C17orf67: variants seen among roughly 807,000 people sequenced by gnomAD.
C17orf67 encodes chromosome 17 open reading frame 67, also known as uncharacterized protein C17orf67.
Under a neutral mutation model 11.2 loss-of-function variants are expected in C17orf67, and 12 were observed. That is an observed-to-expected ratio of 1.07 (90% CI 0.68 to 1.73). The LOEUF is 1.73. Among genes scored for constraint, C17orf67 ranks in the 40% most tolerant of loss-of-function variants. The pLI, the probability that C17orf67 is intolerant of heterozygous loss-of-function variation, is 0.00. For synonymous variants in C17orf67, 59 were observed against 46.9 expected (o/e 1.26, Z -1.05); for missense variants, 115 against 113.5 (o/e 1.01, Z -0.06).
chr17:56,824,415 G>A (rs1905977524), intron 4 of C17orf67, among the ~76,000 whole-genome samples: 1 of 152,122 alleles, frequency 6.6e-6, no homozygotes, highest in South Asian at 2.1e-4. Context: ...CAAGTCTCAG[G>A]TATTCTGCTA....
At chr17:56,832,124 T>G (rs1008865417) in intron 2 of C17orf67, among the ~76,000 whole-genome samples, 3 of 152,158 alleles carry the variant, frequency 2.0e-5, no homozygotes, top group African/African-American at 7.2e-5. Context: ...TTTTTTGTAT[T>G]TTTAGTAGAG....
chr17:56,815,673 T>G, intron 5 of C17orf67, 83 bp downstream of exon 5: 3 of 1,225,650 alleles, frequency 2.4e-6, no homozygotes, highest in Non-Finnish European at 3.2e-6. Context: ...ATATATTATT[T>G]AAAATTAAAA....
intron 2 of C17orf67, among the ~76,000 whole-genome samples, chr17:56,830,646 T>C (rs1005375604): frequency 2.0e-5 from 3 of 152,228 alleles, no homozygotes; most frequent in Non-Finnish European, 2.9e-5. Flanking sequence ...TTATACATTT[T>C]TATTTTGGTA....
intron 2 of C17orf67, among the ~76,000 whole-genome samples, chr17:56,828,107 CA>C (rs11379714): frequency 0.02 from 2,195 of 109,222 alleles, 40 homozygotes; most frequent in African/African-American, 0.068. Flanking sequence ...GACTCAGTCT[CA>C]AAAAAAAAAA....
intron 4 of C17orf67, among the ~76,000 whole-genome samples, chr17:56,817,862 T>TC (rs201637753): frequency 0.063 from 9,526 of 151,868 alleles, 373 homozygotes; most frequent in Admixed American, 0.12. Context: ...GAGCATTTTT[T>TC]TTTTTGAAAC....
intron 2 of C17orf67, among the ~76,000 whole-genome samples, chr17:56,830,261 C>T (rs534730407): frequency 1.3e-5 from 2 of 151,654 alleles, no homozygotes; most frequent in African/African-American, 2.4e-5. Flanking sequence ...AAGAGAATGG[C>T]GTGAACCTGG....
chr17:56,808,256 T>A (rs986946664), intron 6 of C17orf67, among the ~76,000 whole-genome samples: 1 of 152,148 alleles, frequency 6.6e-6, no homozygotes, highest in African/African-American at 2.4e-5. Context: ...AGCGGACTTG[T>A]CCTAAGGTTT....
At chr17:56,799,984 G>GGAA (rs1555590469) in intron 6 of C17orf67, among the ~76,000 whole-genome samples, 2 of 140,362 alleles carry the variant, frequency 1.4e-5, no homozygotes, top group Non-Finnish European at 3.0e-5. Flanking sequence ...TTAAAGTCAT[G>GGAA]AAAAAAAAAA....
At chr17:56,802,250 C>T (rs773934223) in intron 6 of C17orf67, among the ~76,000 whole-genome samples, 21 of 152,246 alleles carry the variant, frequency 1.4e-4, no homozygotes, top group Non-Finnish European at 7.4e-5. Flanking sequence ...GACACCAGAA[C>T]GGATTAGAAG....
At chr17:56,805,971 CTTTTTTT>C (rs10684052) in intron 6 of C17orf67, among the ~76,000 whole-genome samples, 5 of 98,018 alleles carry the variant, frequency 5.1e-5, no homozygotes, top group East Asian at 6.6e-4. Context: ...GTTGATTTTC[CTTTTTTT>C]TTTTTTTTTT....
At position 56,816,661 on chromosome 17, in the gene C17orf67, G is replaced by C. The variant is rs533994730; in HGVS notation, c.-200-651C>G. Among the ~76,000 whole-genome samples the C allele has an allele frequency of 6.5e-4, 99 of 152,260 alleles. 1 individual carries two copies. Among genetic ancestry groups the C allele is most frequent in the African/African-American group, 2.3e-3 (97 of 41,538 alleles). On this transcript the variant is annotated intron_variant, in intron 4 of 7. Coordinates refer to ENST00000397861, the MANE Select transcript of C17orf67 (RefSeq NM_001085430.4). ...TCCCAGTAAGCCCCATAACCTCAGGGACAACTCCTCATCTTTTACAGGGCC... is the reference window on the plus strand; with the variant it reads ...TCCCAGTAAGCCCCATAACCTCAGGCACAACTCCTCATCTTTTACAGGGCC...
chr17:56,821,197 T>C (rs965967512), intron 4 of C17orf67, among the ~76,000 whole-genome samples: 21 of 152,140 alleles, frequency 1.4e-4, no homozygotes, highest in African/African-American at 5.1e-4. Flanking sequence ...GAACATTTTT[T>C]TAAGTATAGA....
At chr17:56,814,081 C>T (rs1396657466) in intron 6 of C17orf67, among the ~76,000 whole-genome samples, 1 of 152,210 alleles carries the variant, frequency 6.6e-6, no homozygotes, top group Non-Finnish European at 1.5e-5. Context: ...GCTACTGCAG[C>T]TCCTTCTGAG....
At chr17:56,804,044 A>T (rs73323075) in intron 6 of C17orf67, 2 of 152,216 alleles carry the variant, frequency 1.3e-5, no homozygotes, top group African/African-American at 4.8e-5. Context: ...GAAGGGGTAT[A>T]TGGAAAATGA....
rs983718860 is a variant in C17orf67, at chr17:56,833,744, G to A, written c.-1128C>T. Reference sequence around the variant, plus strand: ...GGCTAGAGGTTCGGCTCAAGTCGGGGGCACTCGTGTCTGCGCCGAGCGGCG... The same window carrying A: ...GGCTAGAGGTTCGGCTCAAGTCGGGAGCACTCGTGTCTGCGCCGAGCGGCG... On this transcript the variant is annotated 5_prime_UTR_variant, in exon 1 of 8. Coordinates refer to ENST00000397861, the MANE Select transcript of C17orf67 (RefSeq NM_001085430.4). 4 of 151,908 alleles carry A rather than the reference G, an allele frequency of 2.6e-5. No homozygotes were observed. The highest frequency in any genetic ancestry group is 5.9e-5 in the Non-Finnish European group (4 of 67,940). The allele number at this position is 151,908 out of a possible 1,614,324, so 9.4% of individuals were successfully genotyped here.
chr17:56,828,359 C>T (rs62072683), intron 2 of C17orf67, among the ~76,000 whole-genome samples: 1 of 151,074 alleles, frequency 6.6e-6, no homozygotes, highest in East Asian at 2.0e-4. Context: ...GAGCCGGGAT[C>T]ACACCATTGC....
intron 6 of C17orf67, among the ~76,000 whole-genome samples, chr17:56,809,728 C>T (rs1905551169): frequency 6.8e-6 from 1 of 146,256 alleles, no homozygotes; most frequent in Non-Finnish European, 1.5e-5. Context: ...CATACACCCT[C>T]ACACCCCTCT....
At chr17:56,831,322 TC>T (rs889906728) in intron 2 of C17orf67, among the ~76,000 whole-genome samples, 43 of 151,090 alleles carry the variant, frequency 2.8e-4, no homozygotes, top group African/African-American at 8.8e-4. Flanking sequence ...GGACAAGGAG[TC>T]CACTGTGAGC....
intron 6 of C17orf67, among the ~76,000 whole-genome samples, chr17:56,800,133 G>A (rs1278521984): frequency 7.3e-6 from 1 of 137,052 alleles, no homozygotes; most frequent in East Asian, 2.1e-4. Context: ...TGGCGCCATC[G>A]CGGCTCACTG....
Sources: allele counts gnomAD v4.1 joint callset (sites outside exome capture counted in the v4.1 genomes callset), GRCh38; gene constraint gnomAD v4.1.1; transcripts MANE v1.5; gene names NCBI Gene and HGNC (gene_info 2026-07-23, HGNC 2026-07-21).